The following NHERF2 variants were observed in gnomAD, a reference collection of about 807,000 sequenced individuals.
The protein encoded by NHERF2 is NHERF family PDZ scaffold protein 2, also known as Na(+)/H(+) exchange regulatory cofactor NHE-RF2.
the NHERF2 span, among the ~76,000 whole-genome samples, chr16:2,032,188 T>G: frequency 6.6e-6 from 1 of 151,928 alleles, no homozygotes; most frequent in African/African-American, 2.4e-5. This position sits in a 1 kb window ranked among gnomAD's most constrained non-coding sequence, Gnocchi z 4.0. Flanking sequence ...CCTGGCTAAT[T>G]TTTGTGTTTT....
the NHERF2 span, chr16:2,032,716 C>T: frequency 8.3e-6 from 6 of 727,236 alleles, no homozygotes; most frequent in Non-Finnish European, 1.0e-5. This position sits in a 1 kb window ranked among gnomAD's most constrained non-coding sequence, Gnocchi z 4.0. Context: ...GATGACTCAG[C>T]CCTGGGCCAC....
At chr16:2,034,824 T>C in the NHERF2 span, among the ~76,000 whole-genome samples, 1 of 151,244 alleles carries the variant, frequency 6.6e-6, no homozygotes, top group African/African-American at 2.4e-5. Context: ...ACGCCTTCCC[T>C]GCGTCCCAGG....
chr16:2,032,219 C>A, the NHERF2 span, among the ~76,000 whole-genome samples: 2 of 152,058 alleles, frequency 1.3e-5, no homozygotes, highest in African/African-American at 4.8e-5. The surrounding 1 kb of genome is among the most constrained non-coding windows in gnomAD (Gnocchi z 4.0). Context: ...AGGGTTTCAC[C>A]GTGTTGGCCA....
chr16:2,027,330 C>A, the NHERF2 span: 1 of 529,098 alleles, frequency 1.9e-6, no homozygotes, highest in Non-Finnish European at 2.8e-6. Flanking sequence ...AGGACGCGGA[C>A]GTTGTCGGGA....
the NHERF2 span, among the ~76,000 whole-genome samples, chr16:2,028,350 G>A: frequency 6.6e-6 from 1 of 152,228 alleles, no homozygotes; most frequent in Non-Finnish European, 1.5e-5. Flanking sequence ...TGGACCTGAG[G>A]GATTGAGGGT....
At chr16:2,037,381 G>A in the NHERF2 span, among the ~76,000 whole-genome samples, 7 of 152,282 alleles carry the variant, frequency 4.6e-5, no homozygotes, top group East Asian at 3.9e-4. Context: ...CCAGGCGCCC[G>A]GTGCCTGCCC....
At chr16:2,030,355 TC>T in the NHERF2 span, among the ~76,000 whole-genome samples, 1 of 152,048 alleles carries the variant, frequency 6.6e-6, no homozygotes, top group Non-Finnish European at 1.5e-5. Flanking sequence ...AGCCCACTCC[TC>T]CCCCTAGATA....
At chr16:2,029,718 A>AC in the NHERF2 span, 1 of 1,444,872 alleles carries the variant, frequency 6.9e-7, no homozygotes, top group Non-Finnish European at 9.4e-7. Context: ...CCCGCCCACG[A>AC]CCCCTGGGAG....
At chr16:2,027,886 G>A in the NHERF2 span, among the ~76,000 whole-genome samples, 1 of 152,196 alleles carries the variant, frequency 6.6e-6, no homozygotes, top group Non-Finnish European at 1.5e-5. Flanking sequence ...TCTGGGACCG[G>A]GCTGAGTTGG....
chr16:2,038,577 C>T, the NHERF2 span: 5 of 327,050 alleles, frequency 1.5e-5, no homozygotes, highest in Middle Eastern at 9.8e-4. Flanking sequence ...CCAGCCTCTT[C>T]GTGGGGACCT....
chr16:2,027,476 C>T, the NHERF2 span, among the ~76,000 whole-genome samples: 1 of 152,240 alleles, frequency 6.6e-6, no homozygotes. Flanking sequence ...CGCGTTTTGG[C>T]CTCAGTGTGC....
the NHERF2 span, chr16:2,035,403 C>T: frequency 1.0e-6 from 1 of 985,792 alleles, no homozygotes; most frequent in Non-Finnish European, 1.2e-6. Context: ...CTGGCCTGGC[C>T]TGGCCTGTGG....
At chr16:2,037,421 A>T in the NHERF2 span, 1 of 999,712 alleles carries the variant, frequency 1.0e-6, no homozygotes, top group Non-Finnish European at 1.5e-6. Flanking sequence ...CAGAGGCCCG[A>T]GGCCCCCTGC....
At chr16:2,036,011 T>C in the NHERF2 span, 2 of 368,142 alleles carry the variant, frequency 5.4e-6, no homozygotes, top group African/African-American at 2.1e-5. Flanking sequence ...CGACAGTTCA[T>C]CCCACCTGGT....
the NHERF2 span, chr16:2,037,484 G>C: frequency 1.4e-6 from 2 of 1,408,080 alleles, no homozygotes; most frequent in African/African-American, 2.8e-5. Flanking sequence ...ACATGTGTGC[G>C]TGTGCAGGTG....
chr16:2,027,337 G>T, the NHERF2 span: 2 of 519,270 alleles, frequency 3.9e-6, no homozygotes, highest in Non-Finnish European at 5.9e-6. Flanking sequence ...GGACGTTGTC[G>T]GGAGGCAGCG....
the NHERF2 span, among the ~76,000 whole-genome samples, chr16:2,031,299 G>T: frequency 6.6e-6 from 1 of 152,172 alleles, no homozygotes; most frequent in African/African-American, 2.4e-5. Flanking sequence ...CTGGTGGGGG[G>T]GCTGGCCTTG....
the NHERF2 span, chr16:2,038,174 T>G: frequency 7.9e-6 from 5 of 629,818 alleles, no homozygotes; most frequent in East Asian, 2.8e-5. Context: ...GGCAGCAAGA[T>G]AGGGGGAGAG....
the NHERF2 span, chr16:2,036,317 C>A: frequency 6.2e-7 from 1 of 1,602,604 alleles, no homozygotes; most frequent in Non-Finnish European, 8.5e-7. Flanking sequence ...GTCCGTTGGG[C>A]CTGCAGGATG....
Sources: allele counts gnomAD v4.1 joint callset (sites outside exome capture counted in the v4.1 genomes callset), GRCh38; gene constraint gnomAD v4.1.1; non-coding constraint Gnocchi (gnomAD v3.1); transcripts MANE v1.5; gene names NCBI Gene and HGNC (gene_info 2026-07-23, HGNC 2026-07-21).